The following SMYD3 variants were observed in gnomAD, a reference collection of about 807,000 sequenced individuals.
The protein encoded by SMYD3 is histone-lysine N-methyltransferase SMYD3.
Under a neutral mutation model 57.7 loss-of-function variants are expected in SMYD3, and 36 were observed. That is an observed-to-expected ratio of 0.62 (90% confidence interval 0.48 to 0.82). SMYD3 has a LOEUF of 0.82. SMYD3 is among the 40% of genes least tolerant of loss of function. The probability of loss-of-function intolerance (pLI) is 0.00; values close to 1 mark genes in which losing one functional copy is unlikely to be tolerated. For synonymous variants in SMYD3, 211 were observed against 195.0 expected (o/e 1.08, Z -0.68); for missense variants, 515 against 538.8 (o/e 0.96, Z 0.44).
intron 5 of SMYD3, among the ~76,000 whole-genome samples, chr1:245,946,319 C>T (rs926828529): frequency 4.6e-5 from 7 of 152,172 alleles, no homozygotes; most frequent in African/African-American, 1.7e-4. Flanking sequence ...CCACCACCTT[C>T]CTCCACCGCA....
chr1:246,166,124 A>G (rs1032710505), intron 5 of SMYD3, among the ~76,000 whole-genome samples: 3 of 151,494 alleles, frequency 2.0e-5, no homozygotes, highest in African/African-American at 2.4e-5. Flanking sequence ...GAAGAAAAGC[A>G]CTATCTGTTT....
intron 10 of SMYD3, among the ~76,000 whole-genome samples, chr1:245,764,925 T>C (rs2046006784): frequency 6.6e-6 from 1 of 152,016 alleles, no homozygotes; most frequent in African/African-American, 2.4e-5. Context: ...GAATTTACCA[T>C]ATTGGATTTA....
chr1:246,021,316 G>A (rs1223569249), intron 5 of SMYD3, among the ~76,000 whole-genome samples: 1 of 152,152 alleles, frequency 6.6e-6, no homozygotes, highest in Non-Finnish European at 1.5e-5. Flanking sequence ...TTTTGTTTGA[G>A]TACAAAATAT....
intron 5 of SMYD3, among the ~76,000 whole-genome samples, chr1:246,273,757 G>A (rs2064276740): frequency 6.6e-6 from 1 of 151,178 alleles, no homozygotes; most frequent in Non-Finnish European, 1.5e-5. Flanking sequence ...GCTAATTTTT[G>A]TATTTTTAGT....
At chr1:246,446,505 T>G (rs1297496990) in intron 1 of SMYD3, among the ~76,000 whole-genome samples, 1 of 152,288 alleles carries the variant, frequency 6.6e-6, no homozygotes, top group East Asian at 1.9e-4. Flanking sequence ...AAATGGAACC[T>G]CCACATCAGA....
Position 246,258,458 on chromosome 1 carries a change from TTTC to T in SMYD3, c.531+68740_531+68742del, listed in dbSNP as rs1429505526. ...CTTGCTTGTCTGGAAAAAAATTTTA[TTTC>T]TTCTTCATTTATGAAGCTTCATTTG... On this transcript the variant is annotated intron_variant, in intron 5 of 11. Coordinates refer to ENST00000490107, the MANE Select transcript of SMYD3 (RefSeq NM_001167740.2). Among the ~76,000 whole-genome samples the T allele has an allele frequency of 4.9e-4, 74 of 152,324 alleles. 2 individuals are homozygous for T.
chr1:245,801,927 A>C (rs1304778352), intron 10 of SMYD3, among the ~76,000 whole-genome samples: 2 of 151,352 alleles, frequency 1.3e-5, no homozygotes, highest in South Asian at 2.1e-4. Flanking sequence ...AAAAAAAAAA[A>C]CCTTTGAGTA....
chr1:246,504,025 T>C (rs191638744), intron 1 of SMYD3, among the ~76,000 whole-genome samples: 1 of 151,518 alleles, frequency 6.6e-6, no homozygotes, highest in African/African-American at 2.4e-5. Context: ...TTCTACAACT[T>C]ACATACTTCA....
chr1:246,124,917 A>T (rs1311494958), intron 5 of SMYD3, among the ~76,000 whole-genome samples: 1 of 151,990 alleles, frequency 6.6e-6, no homozygotes, highest in Admixed American at 6.6e-5. Context: ...AAAATACAAA[A>T]AAAAATTAGC....
chr1:245,936,983 CA>C (rs1177162838), intron 5 of SMYD3, among the ~76,000 whole-genome samples: 2 of 152,136 alleles, frequency 1.3e-5, no homozygotes, highest in African/African-American at 2.4e-5. Context: ...AAAGATTTTA[CA>C]AATTCACTTT....
At chr1:245,909,090 CAAAT>C (rs893320244) in intron 8 of SMYD3, among the ~76,000 whole-genome samples, 1 of 152,018 alleles carries the variant, frequency 6.6e-6, no homozygotes, top group African/African-American at 2.4e-5. Context: ...GAAAAAGACT[CAAAT>C]AAGTAAAATC....
intron 5 of SMYD3, among the ~76,000 whole-genome samples, chr1:246,079,877 T>C (rs1214554824): frequency 6.6e-6 from 1 of 152,224 alleles, no homozygotes; most frequent in Non-Finnish European, 1.5e-5. Context: ...TTGTCAGCCA[T>C]AGAAAGTGAT....
In SMYD3 at chr1:246,332,810, A is replaced by AACAT. The variant is rs1171728380; in HGVS notation, c.337-2277_337-2274dup. Reference sequence around the variant, plus strand: ...GTGACAAAGCAAGACTCCATCTCAAAACATACATACATACATAAATCTAAA... The same window carrying AACAT: ...GTGACAAAGCAAGACTCCATCTCAAAACATACATACATACATACATAAATCTAAA... On this transcript the variant is annotated intron_variant, in intron 3 of 11. Transcript: ENST00000490107. Among the ~76,000 whole-genome samples the AACAT allele has an allele frequency of 7.5e-4, 114 of 152,356 alleles. 1 individual carries two copies. Among genetic ancestry groups the AACAT allele is most frequent in the African/African-American group, 2.6e-3 (108 of 41,586 alleles).
intron 10 of SMYD3, among the ~76,000 whole-genome samples, chr1:245,793,355 A>G (rs1476389510): frequency 6.6e-6 from 1 of 152,016 alleles, no homozygotes; most frequent in Non-Finnish European, 1.5e-5. Flanking sequence ...TCACTTGCAT[A>G]CTTGCATGTT....
At chr1:246,278,340 C>T (rs1178349270) in intron 5 of SMYD3, among the ~76,000 whole-genome samples, 2 of 152,104 alleles carry the variant, frequency 1.3e-5, no homozygotes, top group Admixed American at 1.3e-4. Context: ...ACAATCCCCT[C>T]GCCTTGCCCC....
intron 5 of SMYD3, among the ~76,000 whole-genome samples, chr1:246,047,439 T>G (rs893264615): frequency 6.6e-6 from 1 of 152,216 alleles, no homozygotes; most frequent in African/African-American, 2.4e-5. Flanking sequence ...TAAAAAGGCA[T>G]TAGCATATGT....
rs535469678 is a variant in SMYD3, at chr1:246,284,028, A to G, written c.531+43173T>C. Among the ~76,000 whole-genome samples the G allele has an allele frequency of 2.6e-5, 4 of 152,352 alleles. No individual in the cohort carries two copies. In the East Asian group the frequency reaches 7.7e-4, roughly 29 times the overall value. On this transcript the variant is annotated intron_variant, in intron 5 of 11. Coordinates refer to ENST00000490107, the MANE Select transcript of SMYD3 (RefSeq NM_001167740.2). ...AAATTACTCATGAAAGAAGAACTAC[A>G]TGAATTTCTCAGAAACGAAGTCTTG...
chr1:246,110,729 G>A (rs950544690), intron 5 of SMYD3, among the ~76,000 whole-genome samples: 18 of 152,220 alleles, frequency 1.2e-4, no homozygotes, highest in African/African-American at 4.3e-4. Flanking sequence ...CCCATGTTAT[G>A]GCTACATAGC....
In SMYD3 at chr1:245,895,486, G is replaced by T. The variant is rs1000396808; in HGVS notation, c.813+20044C>A. 3.2e-4 allele frequency among the ~76,000 whole-genome samples: 48 copies of T among 150,542 alleles called. 1 individual carries two copies. Among genetic ancestry groups the T allele is most frequent in the Admixed American group, 2.9e-3 (43 of 14,942 alleles). On this transcript the variant is annotated intron_variant, in intron 8 of 11. Transcript: ENST00000490107. ...GACAGTTCTGCTTACAATTTATCTA[G>T]CAAAATAGAGTAAGGCAGCAGAAAA...
Sources: gnomAD v4.1 joint callset for allele counts (sites outside exome capture counted in the v4.1 genomes callset) on GRCh38, gnomAD v4.1.1 for gene constraint, MANE v1.5 for transcripts, NCBI Gene and HGNC (gene_info 2026-07-23, HGNC 2026-07-21) for gene names.